The following SEM1 variants were observed in gnomAD, a reference collection of about 807,000 sequenced individuals.
SEM1 encodes the protein SEM1 26S proteasome subunit, also known as 26S proteasome complex subunit SEM1.
A neutral mutation model predicts 12.7 loss-of-function variants in SEM1; 3 were observed. That is an observed-to-expected ratio of 0.24 (90% CI 0.11 to 0.61). The LOEUF (loss-of-function observed/expected upper bound fraction) is 0.61, where lower values mean the gene tolerates loss of function less well. SEM1 is among the 20% of genes least tolerant of loss of function. The pLI, the probability that SEM1 is intolerant of heterozygous loss-of-function variation, is 0.88. For synonymous variants in SEM1, 30 were observed against 27.8 expected, an observed-to-expected ratio of 1.08 and a Z score of -0.25; for missense variants, 59 against 81.3, an observed-to-expected ratio of 0.73 and a Z score of 1.06.
At chr7:96,508,491 G>A (rs949576113) in intron 2 of SEM1, among the ~76,000 whole-genome samples, 21 of 152,074 alleles carry the variant, frequency 1.4e-4, no homozygotes, top group African/African-American at 4.8e-4. Flanking sequence ...AAGTGATGAA[G>A]CCAAGAATAA....
At chr7:96,558,752 A>G (rs1805606960) in intron 2 of SEM1, among the ~76,000 whole-genome samples, 1 of 152,254 alleles carries the variant, frequency 6.6e-6, no homozygotes, top group African/African-American at 2.4e-5. Flanking sequence ...CTTCAGACTC[A>G]GACCATGATC....
chr7:96,690,793 T>TG (rs1315386902), intron 2 of SEM1, among the ~76,000 whole-genome samples: 4 of 152,134 alleles, frequency 2.6e-5, no homozygotes, highest in African/African-American at 7.2e-5. Context: ...GTTGTTGAGA[T>TG]GGAGTCTCGC....
At chr7:96,585,616 G>A (rs1274778521) in intron 2 of SEM1, among the ~76,000 whole-genome samples, 2 of 152,254 alleles carry the variant, frequency 1.3e-5, no homozygotes, top group African/African-American at 4.8e-5. Flanking sequence ...AGCAATCAGC[G>A]AGACTACATG....
At chr7:96,691,017 G>A (rs967557366) in intron 2 of SEM1, among the ~76,000 whole-genome samples, 10 of 151,954 alleles carry the variant, frequency 6.6e-5, no homozygotes, top group East Asian at 1.9e-4. Context: ...GTGATCCACC[G>A]GCCTCGGCCT....
chr7:96,487,154 T>A (rs1802804518), intron 1 of SEM1, among the ~76,000 whole-genome samples: 1 of 140,696 alleles, frequency 7.1e-6, no homozygotes, highest in African/African-American at 3.3e-5. Context: ...GTTACTAACC[T>A]GAGGTGCAAC....
intron 2 of SEM1, among the ~76,000 whole-genome samples, chr7:96,675,098 C>T (rs1017812012): frequency 2.0e-5 from 3 of 151,816 alleles, no homozygotes; most frequent in African/African-American, 7.3e-5. Context: ...CCACCCCACC[C>T]CCCAAAAATA....
At chr7:96,693,575 T>C (rs1789992569) in intron 2 of SEM1, among the ~76,000 whole-genome samples, 1 of 151,902 alleles carries the variant, frequency 6.6e-6, no homozygotes, top group African/African-American at 2.4e-5. Flanking sequence ...TAGATTAAAA[T>C]ACGGCTATAA....
intron 2 of SEM1, among the ~76,000 whole-genome samples, chr7:96,595,709 T>G (rs987472473): frequency 6.6e-6 from 1 of 152,166 alleles, no homozygotes; most frequent in African/African-American, 2.4e-5. Context: ...TTTTAAAAAA[T>G]TGTTTCTTAT....
chr7:96,629,064 G>T (rs942068048), intron 2 of SEM1, among the ~76,000 whole-genome samples: 3 of 152,070 alleles, frequency 2.0e-5, no homozygotes, highest in Non-Finnish European at 4.4e-5. Flanking sequence ...GCTGCTATTA[G>T]GGTCCTTTCT....
downstream of SEM1, among the ~76,000 whole-genome samples, chr7:96,685,804 T>C (rs1789746160): frequency 6.6e-6 from 1 of 150,710 alleles, no homozygotes; most frequent in South Asian, 2.1e-4. Context: ...AAAAAAAAAT[T>C]GATTGATTAC....
At chr7:96,685,957 A>AGTTT (rs1302367106), downstream of SEM1, among the ~76,000 whole-genome samples, 1 of 152,074 alleles carries the variant, frequency 6.6e-6, no homozygotes, top group African/African-American at 2.4e-5. Flanking sequence ...CAAACCTTGA[A>AGTTT]GTAACATCAG....
chr7:96,541,671 G>A (rs1383804552), intron 2 of SEM1, among the ~76,000 whole-genome samples: 2 of 151,290 alleles, frequency 1.3e-5, no homozygotes, highest in African/African-American at 4.8e-5. Flanking sequence ...CTCTCCCAAG[G>A]CCCATGTCCG....
Position 96,580,727 on chromosome 7 carries a change from T to C in SEM1, c.171-74029A>G, listed in dbSNP as rs938185899. On this transcript the variant is annotated intron_variant and NMD_transcript_variant, in intron 2 of 3. Transcript: ENST00000466986. ...GCATTTCTCTGATGGCCAGTGATGGTGAGCATTTTTTCATGTGTTTTTTGG... is the reference window on the plus strand; with the variant it reads ...GCATTTCTCTGATGGCCAGTGATGGCGAGCATTTTTTCATGTGTTTTTTGG... Among the ~76,000 whole-genome samples the C allele has an allele frequency of 1.1e-3, 168 of 152,114 alleles. 1 individual carries two copies. The highest frequency in any genetic ancestry group is 1.5e-3 in the Non-Finnish European group (105 of 67,932).
chr7:96,545,782 C>T (rs10458281), intron 2 of SEM1, among the ~76,000 whole-genome samples: 107,366 of 151,830 alleles, frequency 0.71, 39,104 homozygotes, highest in East Asian at 0.8. Context: ...TGGATGTTTC[C>T]ATCCTGTGCT....
intron 1 of SEM1, among the ~76,000 whole-genome samples, chr7:96,700,751 T>C (rs1003805952): frequency 1.3e-5 from 2 of 152,274 alleles, no homozygotes; most frequent in Non-Finnish European, 2.9e-5. Flanking sequence ...ACCAATGAAA[T>C]AGCTAACCAA....
intron 2 of SEM1, among the ~76,000 whole-genome samples, chr7:96,546,849 C>A (rs1003363540): frequency 6.6e-6 from 1 of 152,034 alleles, no homozygotes; most frequent in Non-Finnish European, 1.5e-5. Flanking sequence ...AGCACATTTT[C>A]TCAGTGGTCA....
chr7:96,517,203 A>G (rs1804122007), intron 2 of SEM1, among the ~76,000 whole-genome samples: 2 of 152,104 alleles, frequency 1.3e-5, no homozygotes, highest in Non-Finnish European at 2.9e-5. Flanking sequence ...CCCAGAGTGA[A>G]CCTTAATGTA....
chr7:96,646,961 G>A (rs139323610), intron 2 of SEM1, among the ~76,000 whole-genome samples: 13 of 152,298 alleles, frequency 8.5e-5, no homozygotes, highest in African/African-American at 2.6e-4. Flanking sequence ...TCAAACTACA[G>A]TTAGATATTA....
intron 1 of SEM1, chr7:96,696,881 G>A (rs1356001448): frequency 6.6e-6 from 1 of 151,888 alleles, no homozygotes; most frequent in African/African-American, 2.4e-5. Flanking sequence ...TCTGAATTGT[G>A]TTTTAATTTT....
Sources: allele counts gnomAD v4.1 joint callset (sites outside exome capture counted in the v4.1 genomes callset), GRCh38; gene constraint gnomAD v4.1.1; transcripts MANE v1.5; gene names NCBI Gene and HGNC (gene_info 2026-07-23, HGNC 2026-07-21).